NEDD9: variants seen among roughly 807,000 people sequenced by gnomAD.
NEDD9 encodes neural precursor cell expressed, developmentally down-regulated 9, also known as enhancer of filamentation 1.
In NEDD9, 26 loss-of-function variants were observed where a neutral mutation model predicts 76.6. That is an observed-to-expected ratio of 0.34 (90% CI 0.25 to 0.47). The LOEUF (loss-of-function observed/expected upper bound fraction) is 0.47. Ranked by LOEUF, NEDD9 falls within the 20% of genes least tolerant of loss-of-function variation. The pLI, the probability that NEDD9 is intolerant of heterozygous loss-of-function variation, is 1.00. For missense variants in NEDD9, 937 were observed against 1,058.5 expected, an observed-to-expected ratio of 0.89 and a Z score of 1.59; for synonymous variants, 392 against 414.2, an observed-to-expected ratio of 0.95 and a Z score of 0.65.
intron 6 of NEDD9, among the ~76,000 whole-genome samples, chr6:11,186,784 A>T (rs2113709877): frequency 6.6e-6 from 1 of 152,144 alleles, no homozygotes; most frequent in African/African-American, 2.4e-5. Context: ...TGCCTGGCTA[A>T]TTTTTTGTAT....
At position 11,370,525 on chromosome 6, in the gene NEDD9, C is replaced by G. The variant is rs1762856734; in HGVS notation, c.-214+11614G>C. ...CGACCCACTAGGTGCACAAGGCTCT[C>G]CTCAAGCCGCCTTTTCTTCCCCTCA... On this transcript the variant is annotated intron_variant, in intron 1 of 3. Coordinates refer to the NEDD9 transcript ENST00000397378. This position sits in a 1 kb window ranked among gnomAD's most constrained non-coding sequence, Gnocchi z 4.2. Among the ~76,000 whole-genome samples the G allele has an allele frequency of 6.6e-6, 1 of 152,210 alleles. No homozygotes were observed.
At chr6:11,192,615 T>A (rs1281572765) in intron 3 of NEDD9, 169 bp from the exon 4 acceptor site, 2 of 546,096 alleles carry the variant, frequency 3.7e-6, no homozygotes, top group African/African-American at 4.0e-5. Flanking sequence ...TAATACATTT[T>A]ATGGTTTTTA....
intron 2 of NEDD9, among the ~76,000 whole-genome samples, chr6:11,330,983 T>C (rs1762025182): frequency 6.6e-6 from 1 of 152,042 alleles, no homozygotes; most frequent in Non-Finnish European, 1.5e-5. Context: ...ATTGTGTAGA[T>C]ACTCTACTCT....
chr6:11,193,170 G>A (rs1230678010), intron 3 of NEDD9, among the ~76,000 whole-genome samples: 2 of 145,060 alleles, frequency 1.4e-5, no homozygotes, highest in Admixed American at 6.8e-5. Context: ...AGGTATGGTG[G>A]TGTGTGTGCC....
chr6:11,200,802 T>A (rs1758425855), intron 2 of NEDD9: 1 of 1,451,274 alleles, frequency 6.9e-7, no homozygotes, highest in Non-Finnish European at 9.0e-7. Context: ...GTATCAGTAT[T>A]GGCATTATTA....
chr6:11,213,327 A>C lies in NEDD9; in HGVS notation c.413T>G (p.Val138Gly). 1 of 1,614,110 alleles carries C rather than the reference A, an allele frequency of 6.2e-7. No homozygotes were observed. The highest frequency in any genetic ancestry group is 1.1e-5 in the South Asian group (1 of 91,080). The change falls in exon 2 of 7, where the codon GTG becomes GGG. Residue 138 changes from valine (V) to glycine (G), a missense_variant. Coordinates refer to ENST00000379446, the MANE Select transcript of NEDD9 (RefSeq NM_006403.4). The surrounding 1 kb of genome is among the most constrained non-coding windows in gnomAD (Gnocchi z 5.4). ...ACTGGTTCCCCCAATGCTTCTCTGC[A>C]CTGATGGTGGCACCTGATATACCTC... is the stretch of plus-strand genomic sequence containing the variant. ...EQEVYQVPPS[V>G]QRSIGGTSGP...
At chr6:11,339,209 T>C (rs1321952086) in intron 1 of NEDD9, among the ~76,000 whole-genome samples, 2 of 152,234 alleles carry the variant, frequency 1.3e-5, no homozygotes, top group Non-Finnish European at 2.9e-5. Flanking sequence ...ATATATTGCA[T>C]TTATCACTTT....
In NEDD9 at chr6:11,190,498, C is replaced by G. The variant is rs768747810; in HGVS notation, c.1371G>C (p.Leu457=). Residue 457 remains leucine, a synonymous_variant, in exon 5 of 7, where the codon CTG becomes CTC. Coordinates refer to ENST00000379446, the MANE Select transcript of NEDD9 (RefSeq NM_006403.4). The surrounding 1 kb of genome is among the most constrained non-coding windows in gnomAD (Gnocchi z 5.8). ...EIRTAVDKVE[L]FLKEYLHFVK... ...CAAAGTGGAGGTACTCCTTCAGGAACAGCTCCACCTTGTCCACTGCTGTGC... is the reference window on the plus strand; with the variant it reads ...CAAAGTGGAGGTACTCCTTCAGGAAGAGCTCCACCTTGTCCACTGCTGTGC... 3.1e-6 allele frequency: 5 copies of G among 1,614,212 alleles called. No homozygotes were observed. Among genetic ancestry groups the G allele is most frequent in the Admixed American group, 1.7e-5 (1 of 60,026 alleles).
chr6:11,191,945 C>T (rs1007668962), intron 4 of NEDD9, among the ~76,000 whole-genome samples: 3 of 152,288 alleles, frequency 2.0e-5, no homozygotes, highest in African/African-American at 7.2e-5. Flanking sequence ...GTAAAGACTG[C>T]AATGAGCTGT....
chr6:11,366,256 T>C (rs1170408215), intron 1 of NEDD9, among the ~76,000 whole-genome samples: 2 of 92,202 alleles, frequency 2.2e-5, no homozygotes, highest in Admixed American at 2.1e-4. Context: ...GGTGACAGAG[T>C]GAGAGTCTGA....
At chr6:11,256,452 A>G (rs1250323912) in intron 3 of NEDD9, among the ~76,000 whole-genome samples, 1 of 152,208 alleles carries the variant, frequency 6.6e-6, no homozygotes, top group African/African-American at 2.4e-5. Context: ...CAAGAAGCGT[A>G]GGTGGTATCT....
chr6:11,244,590 A>G (rs756807198), intron 3 of NEDD9, among the ~76,000 whole-genome samples: 2 of 152,204 alleles, frequency 1.3e-5, no homozygotes, highest in Non-Finnish European at 2.9e-5. Flanking sequence ...GATTGGTCAT[A>G]GAATACATCC....
chr6:11,234,404 T>C (rs574906273), upstream of NEDD9, among the ~76,000 whole-genome samples: 5 of 152,348 alleles, frequency 3.3e-5, no homozygotes, highest in South Asian at 8.3e-4. Context: ...GCTTCCTAAG[T>C]GGTCAAGCTG....
In NEDD9 at chr6:11,213,060, G is replaced by C. The variant is rs998961688; in HGVS notation, c.459+221C>G. Among the ~76,000 whole-genome samples, 3 of 152,220 alleles carry C rather than the reference G, an allele frequency of 2.0e-5. No homozygotes were observed. The highest frequency in any genetic ancestry group is 7.2e-5 in the African/African-American group (3 of 41,454). ...CAGGATGACACAGGAACTTAGGAGGGCTGGAAATCAACTGTACTCAGCACA... is the reference window on the plus strand; with the variant it reads ...CAGGATGACACAGGAACTTAGGAGGCCTGGAAATCAACTGTACTCAGCACA... On this transcript the variant is annotated intron_variant, in intron 2 of 6. Transcript: ENST00000379446. This position sits in a 1 kb window ranked among gnomAD's most constrained non-coding sequence, Gnocchi z 5.4.
chr6:11,202,153 CTAAG>C (rs1208209405), intron 2 of NEDD9, among the ~76,000 whole-genome samples: 1 of 152,222 alleles, frequency 6.6e-6, no homozygotes, highest in Non-Finnish European at 1.5e-5. Context: ...GTAGGTTTTA[CTAAG>C]TAACAGCCAT....
At chr6:11,286,398 G>A (rs982487284) in intron 3 of NEDD9, among the ~76,000 whole-genome samples, 2 of 152,182 alleles carry the variant, frequency 1.3e-5, no homozygotes, top group Non-Finnish European at 2.9e-5. Context: ...CTGGTGATGG[G>A]AACATAGTTA....
At chr6:11,299,419 G>C (rs1044794219) in intron 3 of NEDD9, among the ~76,000 whole-genome samples, 12 of 152,322 alleles carry the variant, frequency 7.9e-5, no homozygotes, top group African/African-American at 2.2e-4. Flanking sequence ...CCACCTCTGG[G>C]GTCAGGGCAT....
At chr6:11,296,920 G>T (rs1474704332) in intron 3 of NEDD9, among the ~76,000 whole-genome samples, 1 of 152,068 alleles carries the variant, frequency 6.6e-6, no homozygotes, top group East Asian at 1.9e-4. Context: ...GTAGAGACAT[G>T]GTTTCGCCAT....
intron 3 of NEDD9, among the ~76,000 whole-genome samples, chr6:11,269,991 G>A (rs1256623100): frequency 6.6e-6 from 1 of 152,198 alleles, no homozygotes; most frequent in African/African-American, 2.4e-5. Flanking sequence ...GCCGGGTGTG[G>A]TGGTGCGTGC....
Sources: allele counts gnomAD v4.1 joint callset (sites outside exome capture counted in the v4.1 genomes callset), GRCh38; gene constraint gnomAD v4.1.1; non-coding constraint Gnocchi (gnomAD v3.1); transcripts MANE v1.5; gene names NCBI Gene and HGNC (gene_info 2026-07-23, HGNC 2026-07-21).